The following CRYL1 variants were observed in gnomAD, a reference collection of about 807,000 sequenced individuals.
The protein encoded by CRYL1 is crystallin lambda 1.
A neutral mutation model predicts 36.6 loss-of-function variants in CRYL1; 29 were observed. That is an observed-to-expected ratio of 0.79 (90% CI 0.59 to 1.08). CRYL1 has a LOEUF of 1.08. Among genes scored for constraint, CRYL1 ranks in the 50% least tolerant of loss-of-function variants. The pLI is 0.00. For missense variants in CRYL1, 411 were observed against 407.9 expected (o/e 1.01, Z -0.06); for synonymous variants, 152 against 151.5 (o/e 1.00, Z -0.02).
At chr13:20,427,350 A>G (rs2137383073) in intron 5 of CRYL1, 1 of 983,908 alleles carries the variant, frequency 1.0e-6, no homozygotes, top group African/African-American at 1.7e-5. Flanking sequence ...AGATGGCACA[A>G]TAGACCTGGC....
chr13:20,492,978 C>T (rs552368418), intron 2 of CRYL1, among the ~76,000 whole-genome samples: 240 of 152,254 alleles, frequency 1.6e-3, no homozygotes, highest in African/African-American at 5.4e-3. Flanking sequence ...GAGTCAATGC[C>T]CCCACCGGTG....
intron 3 of CRYL1, among the ~76,000 whole-genome samples, chr13:20,488,523 C>T (rs1245038510): frequency 1.3e-5 from 2 of 152,084 alleles, no homozygotes; most frequent in African/African-American, 2.4e-5. Context: ...GTATTTGACC[C>T]GAATCTTAGA....
At chr13:20,438,398 C>T (rs1043612588) in intron 4 of CRYL1, among the ~76,000 whole-genome samples, 2 of 152,170 alleles carry the variant, frequency 1.3e-5, no homozygotes, top group Non-Finnish European at 2.9e-5. Context: ...CAGGAAGGAC[C>T]TTCATGTTAC....
chr13:20,438,199 C>T (rs557862258), intron 4 of CRYL1, among the ~76,000 whole-genome samples: 1 of 152,270 alleles, frequency 6.6e-6, no homozygotes, highest in East Asian at 1.9e-4. Flanking sequence ...AGCTGCTGCT[C>T]TTCTTAGCAC....
intron 4 of CRYL1, among the ~76,000 whole-genome samples, chr13:20,436,161 C>G (rs1023218727): frequency 6.6e-6 from 1 of 152,090 alleles, no homozygotes. Context: ...GGTGGCCTCT[C>G]CCCCAACGCC....
chr13:20,431,324 C>A (rs1230766998), intron 5 of CRYL1: 9 of 985,318 alleles, frequency 9.1e-6, no homozygotes, highest in Non-Finnish European at 1.1e-5. Flanking sequence ...CGCGGTGCAG[C>A]TGGGTACTTC....
At chr13:20,424,324 T>G (rs780562356) in intron 5 of CRYL1, among the ~76,000 whole-genome samples, 5 of 152,272 alleles carry the variant, frequency 3.3e-5, no homozygotes, top group Admixed American at 3.3e-4. Context: ...AGAAGCAGCA[T>G]GTGGACTCTG....
At position 20,466,705 on chromosome 13, in the gene CRYL1, T is replaced by TGTGA. The variant is rs1555229892; in HGVS notation, c.276+22664_276+22665insTCAC. Among the ~76,000 whole-genome samples, 16 of 151,408 alleles carry TGTGA rather than the reference T, an allele frequency of 1.1e-4. No homozygotes were observed. In the South Asian group the frequency reaches 2.5e-3, roughly 24 times the overall value. On this transcript the variant is annotated intron_variant, in intron 3 of 7. Transcript: ENST00000298248. ...CTCTGTGTGTGTGTGTGTGTGTGTG[T>TGTGA]GTGTGTAGTTGAAGTTGCACCTGCT...
At chr13:20,460,658 C>T (rs369145272) in intron 3 of CRYL1, among the ~76,000 whole-genome samples, 102 of 151,014 alleles carry the variant, frequency 6.8e-4, no homozygotes, top group South Asian at 4.0e-3. Flanking sequence ...CCCAAGTAGC[C>T]GGGACTACAG....
chr13:20,435,192 AC>A lies in CRYL1; in HGVS notation c.439-2897del, dbSNP rs1043240730. Among the ~76,000 whole-genome samples, 45 of 152,212 alleles carry A rather than the reference AC, an allele frequency of 3.0e-4. 1 individual carries two copies. The highest frequency in any genetic ancestry group is 2.9e-3 in the Admixed American group (45 of 15,278). On this transcript the variant is annotated intron_variant, in intron 4 of 7. Coordinates refer to ENST00000298248, the MANE Select transcript of CRYL1 (RefSeq NM_015974.3). This position sits in a 1 kb window ranked among gnomAD's most constrained non-coding sequence, Gnocchi z 4.0. ...CTTAATGCCTCCAAACTGCACACTT[AC>A]AAATAGTTAAGACGGTAGATTTTGT...
chr13:20,464,765 A>G (rs9315602), intron 3 of CRYL1, among the ~76,000 whole-genome samples: 146,245 of 152,294 alleles, frequency 0.96, 70,480 homozygotes, highest in East Asian at 1. Context: ...TGTTCATTGC[A>G]TCTGCCTCAC....
chr13:20,508,328 A>C (rs565078869), intron 2 of CRYL1, among the ~76,000 whole-genome samples: 10 of 152,356 alleles, frequency 6.6e-5, no homozygotes, highest in African/African-American at 2.4e-4. Context: ...CCATTTCCAA[A>C]GTGGAGCTTG....
Position 20,413,331 on chromosome 13 carries a change from C to T in CRYL1, c.690G>A (p.Met230Ile). Residue 230 changes from methionine to isoleucine, a missense_variant, in exon 6 of 8, where the codon ATG becomes ATA. By Grantham distance (10) the Met-to-Ile change is conservative. Coordinates refer to ENST00000298248, the MANE Select transcript of CRYL1 (RefSeq NM_015974.3). ...CCAGGGGTCCAATGAATGCATACCG[C>T]ATGCCCAACCCTTCTGACATGACAA... ...LDLVMSEGLGMRYAFIGPLET... is the reference protein window; with the variant it reads ...LDLVMSEGLGIRYAFIGPLET... 1 of 1,613,894 alleles carries T rather than the reference C, an allele frequency of 6.2e-7. No homozygotes were observed. The highest frequency in any genetic ancestry group is 8.5e-7 in the Non-Finnish European group (1 of 1,179,920).
At chr13:20,440,250 C>T (rs2032323405) in intron 3 of CRYL1, among the ~76,000 whole-genome samples, 1 of 152,200 alleles carries the variant, frequency 6.6e-6, no homozygotes. Context: ...ATGAAGGCTG[C>T]TGTGTCATGT....
At chr13:20,489,751 A>C (rs1274538538) in intron 2 of CRYL1, among the ~76,000 whole-genome samples, 1 of 152,238 alleles carries the variant, frequency 6.6e-6, no homozygotes, top group African/African-American at 2.4e-5. Flanking sequence ...GGCAGTTCCC[A>C]AAAACAGAAT....
chr13:20,434,557 C>A (rs1364451618), intron 4 of CRYL1, among the ~76,000 whole-genome samples: 3 of 150,644 alleles, frequency 2.0e-5, no homozygotes, highest in African/African-American at 7.3e-5. Context: ...GGAAAAAAAG[C>A]TGGTCACTCC....
At chr13:20,431,969 G>C in intron 5 of CRYL1, 133 bp downstream of exon 5, 1 of 1,551,062 alleles carries the variant, frequency 6.4e-7, no homozygotes, top group African/African-American at 1.4e-5. Context: ...GCAAGAAGAA[G>C]CAAGCAGCCT....
intron 4 of CRYL1, 92 bp from the exon 5 acceptor site, chr13:20,432,388 A>G (rs945670439): frequency 7.4e-6 from 6 of 807,548 alleles, no homozygotes; most frequent in Non-Finnish European, 1.2e-5. Context: ...CAGCAGATGC[A>G]TCTTTGGAAT....
chr13:20,446,159 T>C (rs2032450085), intron 3 of CRYL1, among the ~76,000 whole-genome samples: 1 of 152,250 alleles, frequency 6.6e-6, no homozygotes, highest in Admixed American at 6.5e-5. Context: ...TCGCCCAGGC[T>C]GGAGTGCAGT....
Sources: allele counts gnomAD v4.1 joint callset (sites outside exome capture counted in the v4.1 genomes callset), GRCh38; gene constraint gnomAD v4.1.1; non-coding constraint Gnocchi (gnomAD v3.1); transcripts MANE v1.5; gene names NCBI Gene and HGNC (gene_info 2026-07-23, HGNC 2026-07-21).